The following ZBTB49 variants were observed in gnomAD, a reference collection of about 807,000 sequenced individuals.
ZBTB49 encodes the protein zinc finger and BTB domain-containing protein 49.
ZBTB49 carries 43 observed loss-of-function variants against 57.5 expected under a neutral mutation model. The observed-to-expected ratio is 0.75, with a 90% confidence interval of 0.59 to 0.97. ZBTB49 has a LOEUF of 0.97. Ranked by LOEUF, ZBTB49 falls within the 50% of genes least tolerant of loss-of-function variation. The pLI is 0.00. For missense variants in ZBTB49, 938 were observed against 947.7 expected, an observed-to-expected ratio of 0.99 and a Z score of 0.13; for synonymous variants, 369 against 362.1, an observed-to-expected ratio of 1.02 and a Z score of -0.22.
chr4:4,318,512 C>A, intron 7 of ZBTB49, among the ~76,000 whole-genome samples: 1 of 152,066 alleles, frequency 6.6e-6, no homozygotes, highest in East Asian at 1.9e-4. Flanking sequence ...GAGGCTGAGG[C>A]ACAAGAATTA....
Position 4,320,779 on chromosome 4 carries a change from A to G in ZBTB49, c.1761A>G (p.Lys587=), listed in dbSNP as rs1213424643. 2 of 1,614,178 alleles carry G rather than the reference A, an allele frequency of 1.2e-6. No individual in the cohort carries two copies. Among genetic ancestry groups the G allele is most frequent in the Middle Eastern group, 1.6e-4 (1 of 6,062 alleles). The change falls in exon 8 of 8, where the codon AAA becomes AAG. Residue 587 remains lysine, a synonymous_variant. Transcript: ENST00000337872. ...GGCGGCACAAGAAGATGCACTGCAA[A>G]GCTGGTGACGAGAGCCCAGATGTGC... ...VLRRHKKMHC[K]AGDESPDVLE...
chr4:4,310,848 A>G (rs1720958649), intron 4 of ZBTB49, among the ~76,000 whole-genome samples: 1 of 152,192 alleles, frequency 6.6e-6, no homozygotes, highest in East Asian at 1.9e-4. Flanking sequence ...GGACACAACT[A>G]TAGGTGATTT....
At chr4:4,308,872 G>A (rs1033481652) in intron 4 of ZBTB49, among the ~76,000 whole-genome samples, 1 of 152,212 alleles carries the variant, frequency 6.6e-6, no homozygotes, top group Non-Finnish European at 1.5e-5. Flanking sequence ...GTGTGTTTGG[G>A]ACAGCATGAG....
chr4:4,315,748 G>C, intron 6 of ZBTB49, 30 bp downstream of exon 6: 2 of 1,613,878 alleles, frequency 1.2e-6, no homozygotes, highest in South Asian at 2.2e-5. Flanking sequence ...TATTCTTCTT[G>C]AAGATTTCTG....
At position 4,302,919 on chromosome 4, in the gene ZBTB49, C is replaced by A. The variant is rs577987301; in HGVS notation, c.1083C>A (p.Val361=). 6.2e-7 allele frequency: 1 copy of A among 1,614,152 alleles called. No individual in the cohort carries two copies. Among genetic ancestry groups the A allele is most frequent in the Non-Finnish European group, 8.5e-7 (1 of 1,180,028 alleles). ...CTGAAGAAAAAGAAAGTGAAGAAGTCGTCAGTTGTGAGAATTTTAATTGCA... is the reference window on the plus strand; with the variant it reads ...CTGAAGAAAAAGAAAGTGAAGAAGTAGTCAGTTGTGAGAATTTTAATTGCA... ...QSAEEKESEE[V]VSCENFNCIS... The change falls in exon 3 of 8, where the codon GTC becomes GTA. Residue 361 remains valine (V), a synonymous_variant. Transcript: ENST00000337872.
chr4:4,302,170 C>T lies in ZBTB49; in HGVS notation c.334C>T (p.Leu112=). ...QCLQVQNVLS[L]CHTFLKSATV... ...TTTGCAAGTTCAAAATGTTCTGAGTCTGTGTCACACATTTTTAAAATCAGC... is the reference window on the plus strand; with the variant it reads ...TTTGCAAGTTCAAAATGTTCTGAGTTTGTGTCACACATTTTTAAAATCAGC... The change falls in exon 3 of 8, where the codon CTG becomes TTG. Residue 112 remains leucine (L), a synonymous_variant. Coordinates refer to ENST00000337872, the MANE Select transcript of ZBTB49 (RefSeq NM_145291.4). The T allele has an allele frequency of 6.2e-7, 1 of 1,614,254 alleles. No individual in the cohort carries two copies.
intron 1 of ZBTB49, among the ~76,000 whole-genome samples, chr4:4,295,648 C>T (rs79931261): frequency 0.043 from 6,570 of 152,212 alleles, 502 homozygotes; most frequent in East Asian, 0.32. Context: ...GAACAGTGTT[C>T]GCCGCCTACC....
intron 1 of ZBTB49, among the ~76,000 whole-genome samples, chr4:4,297,473 C>T (rs533506975): frequency 1.3e-5 from 2 of 152,110 alleles, no homozygotes; most frequent in African/African-American, 2.4e-5. Flanking sequence ...GAGGAGCAAC[C>T]CCAAACCCAG....
At chr4:4,313,773 C>T (rs1384007656) in intron 5 of ZBTB49, among the ~76,000 whole-genome samples, 1 of 152,240 alleles carries the variant, frequency 6.6e-6, no homozygotes, top group Non-Finnish European at 1.5e-5. Context: ...AGGCCACGTA[C>T]TCCATCATCT....
At chr4:4,298,358 CA>C (rs1354566271) in intron 1 of ZBTB49, among the ~76,000 whole-genome samples, 4 of 152,084 alleles carry the variant, frequency 2.6e-5, no homozygotes, top group Admixed American at 6.5e-5. Flanking sequence ...CTTTTTCAGC[CA>C]TGCTTGAGTA....
At chr4:4,291,714 A>C (rs756838668) in intron 1 of ZBTB49, among the ~76,000 whole-genome samples, 9 of 152,224 alleles carry the variant, frequency 5.9e-5, no homozygotes, top group Non-Finnish European at 1.3e-4. Flanking sequence ...ATACTCAAAG[A>C]AAGTGAGCCC....
chr4:4,295,962 A>G (rs2108868552), intron 1 of ZBTB49, among the ~76,000 whole-genome samples: 1 of 152,350 alleles, frequency 6.6e-6, no homozygotes, highest in East Asian at 1.9e-4. Flanking sequence ...AGCTGAAGCT[A>G]AAGTTTCAAA....
chr4:4,302,093 A>G lies in ZBTB49; in HGVS notation c.257A>G (p.His86Arg), dbSNP rs1185844187. ...GQILDFMYTS[H>R]LDLNQDNIQV... Reference sequence around the variant, plus strand: ...ATCCTGGACTTCATGTACACTTCTCATCTAGATCTTAACCAGGACAATATA... The same window carrying G: ...ATCCTGGACTTCATGTACACTTCTCGTCTAGATCTTAACCAGGACAATATA... Residue 86 changes from histidine (H) to arginine (R), a missense_variant, in exon 3 of 8, where the codon CAT becomes CGT. By Grantham distance (29) the His-to-Arg change is conservative. Around this residue, in one of 3 missense-constraint regions of ZBTB49, gnomAD observed 100 missense variants for 112.5 expected, o/e 0.89. Coordinates refer to ENST00000337872, the MANE Select transcript of ZBTB49 (RefSeq NM_145291.4). 3 of 1,614,074 alleles carry G rather than the reference A, an allele frequency of 1.9e-6. No individual in the cohort carries two copies. Among genetic ancestry groups the G allele is most frequent in the Admixed American group, 1.7e-5 (1 of 60,006 alleles).
intron 3 of ZBTB49, among the ~76,000 whole-genome samples, chr4:4,304,335 C>G (rs1720648131): frequency 6.6e-6 from 1 of 151,824 alleles, no homozygotes; most frequent in African/African-American, 2.4e-5. Flanking sequence ...AATTGATTCT[C>G]CTGCCTGAGC....
At chr4:4,297,730 C>T (rs1442624153) in intron 1 of ZBTB49, among the ~76,000 whole-genome samples, 1 of 148,470 alleles carries the variant, frequency 6.7e-6, no homozygotes, top group African/African-American at 2.5e-5. Flanking sequence ...GCTCTAATCA[C>T]ATCACTGCAC....
At chr4:4,312,669 G>A (rs933605416) in intron 4 of ZBTB49, among the ~76,000 whole-genome samples, 1 of 152,190 alleles carries the variant, frequency 6.6e-6, no homozygotes, top group African/African-American at 2.4e-5. Flanking sequence ...TTTAAGTGAT[G>A]TTTTAAATAC....
Position 4,321,003 on chromosome 4 carries a change from A to T in ZBTB49, c.1985A>T (p.His662Leu). The T allele has an allele frequency of 1.2e-6, 2 of 1,613,864 alleles. No homozygotes were observed. Among genetic ancestry groups the T allele is most frequent in the Non-Finnish European group, 1.7e-6 (2 of 1,179,754 alleles). The part of the protein sequence containing the change: ...YCKLRSMIQP[H>L]GVSDQEKLSL... ...AAGTTACGGTCCATGATCCAACCTC[A>T]TGGAGTTAGTGACCAGGAGAAGCTG... The change falls in exon 8 of 8, where the codon CAT becomes CTT. Residue 662 changes from histidine (H) to leucine (L), a missense_variant. By Grantham distance (99) the His-to-Leu change is moderately conservative. Around this residue, in one of 3 missense-constraint regions of ZBTB49, gnomAD observed 835 missense variants for 819.1 expected, o/e 1.02. Transcript: ENST00000337872.
chr4:4,299,466 C>T (rs1327361456), intron 1 of ZBTB49, among the ~76,000 whole-genome samples: 1 of 152,076 alleles, frequency 6.6e-6, no homozygotes, highest in Non-Finnish European at 1.5e-5. Flanking sequence ...TGATCTTAAC[C>T]AGCTGGCTTT....
At position 4,320,588 on chromosome 4, in the gene ZBTB49, C is replaced by A. The variant is rs1022312839; in HGVS notation, c.1622-52C>A. The A allele has an allele frequency of 5.0e-6, 8 of 1,603,608 alleles. No homozygotes were observed. In the African/African-American group the frequency reaches 1.1e-4, roughly 22 times the overall value. ...CTAGGAGTTCACGACCAGCCTGGGCCACATAGTGAGACCCTGTTTAAGTAA... is the reference window on the plus strand; with the variant it reads ...CTAGGAGTTCACGACCAGCCTGGGCAACATAGTGAGACCCTGTTTAAGTAA... On this transcript the variant is annotated intron_variant, in intron 7 of 7. Transcript: ENST00000337872.
Sources: gnomAD v4.1 joint callset for allele counts (sites outside exome capture counted in the v4.1 genomes callset) on GRCh38, gnomAD v4.1.1 for gene constraint, gnomAD v4.1.1 regional missense constraint, MANE v1.5 for transcripts, NCBI Gene and HGNC (gene_info 2026-07-23, HGNC 2026-07-21) for gene names.